The following NTN1 variants were observed in gnomAD, a reference collection of about 807,000 sequenced individuals.
The protein encoded by NTN1 is netrin 1.
A neutral mutation model predicts 54.2 loss-of-function variants in NTN1; 11 were observed. That is an observed-to-expected ratio of 0.20 (90% CI 0.13 to 0.34). The LOEUF (loss-of-function observed/expected upper bound fraction) is 0.34. NTN1 is among the 10% of genes least tolerant of loss of function. The pLI, the probability that NTN1 is intolerant of heterozygous loss-of-function variation, is 1.00. For missense variants in NTN1, 740 were observed against 893.1 expected (o/e 0.83, Z 2.18); for synonymous variants, 371 against 382.0 (o/e 0.97, Z 0.33).
At chr17:9,102,608 A>G (rs11867338) in intron 2 of NTN1, among the ~76,000 whole-genome samples, 80,899 of 152,084 alleles carry the variant, frequency 0.53, 22,290 homozygotes, top group East Asian at 0.95. Flanking sequence ...TAACGCAGCA[A>G]TTCCACTCTT....
At chr17:9,114,246 A>C (rs2092203263) in intron 2 of NTN1, among the ~76,000 whole-genome samples, 1 of 147,898 alleles carries the variant, frequency 6.8e-6, no homozygotes, top group East Asian at 1.9e-4. Context: ...AGGGAAAAAA[A>C]AGGAAGATTC....
At position 9,230,581 on chromosome 17, in the gene NTN1, G is replaced by A. The variant is rs115707734; in HGVS notation, c.1487-9059G>A. On this transcript the variant is annotated intron_variant, in intron 6 of 6. Coordinates refer to ENST00000173229, the MANE Select transcript of NTN1 (RefSeq NM_004822.3). The stretch of plus-strand genomic sequence containing the variant: ...GGCCAGTCGGTCCCCATGACAGCTC[G>A]ACAGAAAAGCCCCAGAGCCCACAGG... Among the ~76,000 whole-genome samples, 902 of 152,274 alleles carry A rather than the reference G, an allele frequency of 5.9e-3. 15 individuals are homozygous for A. Among genetic ancestry groups the A allele is most frequent in the African/African-American group, 0.02 (841 of 41,554 alleles).
chr17:9,141,047 G>A (rs1367616235), intron 2 of NTN1, among the ~76,000 whole-genome samples: 1 of 152,114 alleles, frequency 6.6e-6, no homozygotes, highest in Non-Finnish European at 1.5e-5. Context: ...GATTTGGGAG[G>A]GAATATCATG....
In NTN1 at chr17:9,212,058, A is replaced by C. The variant is rs976955759; in HGVS notation, c.1412-9110A>C. Among the ~76,000 whole-genome samples the C allele has an allele frequency of 6.6e-6, 1 of 152,200 alleles. No homozygotes were observed. Among genetic ancestry groups the C allele is most frequent in the Non-Finnish European group, 1.5e-5 (1 of 68,038 alleles). ...TTAGCCTTTCTGCCCCCAAGGCCCAAAGTCAAATGAGCATTTTGCTTTTGA... is the reference window on the plus strand; with the variant it reads ...TTAGCCTTTCTGCCCCCAAGGCCCACAGTCAAATGAGCATTTTGCTTTTGA... On this transcript the variant is annotated intron_variant, in intron 5 of 6. Coordinates refer to ENST00000173229, the MANE Select transcript of NTN1 (RefSeq NM_004822.3). The surrounding 1 kb of genome is among the most constrained non-coding windows in gnomAD (Gnocchi z 5.5).
At chr17:9,109,859 G>A (rs1434395880) in intron 2 of NTN1, among the ~76,000 whole-genome samples, 3 of 152,218 alleles carry the variant, frequency 2.0e-5, no homozygotes, top group Non-Finnish European at 4.4e-5. Flanking sequence ...GCATATGTCT[G>A]ATTATTGTGA....
At chr17:9,113,995 C>G (rs1333684842) in intron 2 of NTN1, among the ~76,000 whole-genome samples, 1 of 150,874 alleles carries the variant, frequency 6.6e-6, no homozygotes, top group Non-Finnish European at 1.5e-5. Flanking sequence ...AAACCCATCT[C>G]TACTGAAAAT....
intron 5 of NTN1, among the ~76,000 whole-genome samples, chr17:9,188,085 G>A (rs981290810): frequency 2.0e-5 from 3 of 152,206 alleles, no homozygotes; most frequent in African/African-American, 7.2e-5. Context: ...GTGGTGATGA[G>A]TTGTACAATG....
chr17:9,146,633 G>GGTCTTTAGACACACCCTGGGA (rs1403328934), intron 2 of NTN1, among the ~76,000 whole-genome samples: 1 of 150,674 alleles, frequency 6.6e-6, no homozygotes, highest in East Asian at 1.9e-4. Context: ...ACACCCTGGG[G>GGTCTTTAGACACACCCTGGGA]CTCCTGGCAG....
At chr17:9,044,667 T>A (rs2091935599) in intron 2 of NTN1, among the ~76,000 whole-genome samples, 1 of 152,204 alleles carries the variant, frequency 6.6e-6, no homozygotes, top group Admixed American at 6.5e-5. Context: ...TGTTTATATT[T>A]ATTGACTCAA....
At chr17:9,203,133 G>A (rs901247213) in intron 5 of NTN1, among the ~76,000 whole-genome samples, 1 of 151,656 alleles carries the variant, frequency 6.6e-6, no homozygotes, top group East Asian at 1.9e-4. Context: ...ATGTTAGCCA[G>A]GATGATCTCG....
rs78440282 is a variant in NTN1, at chr17:9,158,632, C to A, written c.1019-4181C>A. ...GAAGGGTAGGGTTCCCATCCTGGGCCCCCCCATTTACTGGCTCTGTGGTCC... is the reference window on the plus strand; with the variant it reads ...GAAGGGTAGGGTTCCCATCCTGGGCACCCCCATTTACTGGCTCTGTGGTCC... On this transcript the variant is annotated intron_variant, in intron 2 of 6. Coordinates refer to ENST00000173229, the MANE Select transcript of NTN1 (RefSeq NM_004822.3). Among the ~76,000 whole-genome samples, 1,284 of 152,252 alleles carry A rather than the reference C, an allele frequency of 8.4e-3. 16 individuals carry two copies. Among genetic ancestry groups the A allele is most frequent in the African/African-American group, 0.03 (1,226 of 41,546 alleles).
At chr17:9,117,077 G>A (rs1399527499) in intron 2 of NTN1, among the ~76,000 whole-genome samples, 1 of 152,200 alleles carries the variant, frequency 6.6e-6, no homozygotes, top group East Asian at 1.9e-4. Flanking sequence ...AGCGACACCC[G>A]GGGAAGCTGT....
chr17:9,230,447 G>GA (rs1905766993), intron 6 of NTN1, among the ~76,000 whole-genome samples: 2 of 15,616 alleles, frequency 1.3e-4, no homozygotes, highest in African/African-American at 4.6e-4. Context: ...CACCAGATGT[G>GA]ACCCCCCCCC....
intron 2 of NTN1, among the ~76,000 whole-genome samples, chr17:9,107,350 GA>G (rs1394627568): frequency 2.0e-5 from 3 of 152,236 alleles, no homozygotes; most frequent in African/African-American, 7.2e-5. Flanking sequence ...TCAGTTGAGA[GA>G]AAAGAATCTT....
intron 5 of NTN1, among the ~76,000 whole-genome samples, chr17:9,193,458 A>G (rs1904522330): frequency 6.6e-6 from 1 of 152,208 alleles, no homozygotes; most frequent in Non-Finnish European, 1.5e-5. Flanking sequence ...TCAGCCCTAA[A>G]TATTTTGGAA....
chr17:9,209,408 A>C (rs929114308), intron 5 of NTN1, among the ~76,000 whole-genome samples: 1 of 152,210 alleles, frequency 6.6e-6, no homozygotes, highest in African/African-American at 2.4e-5. Flanking sequence ...TCGATATTGC[A>C]GGGGGCCAGA....
intron 2 of NTN1, among the ~76,000 whole-genome samples, chr17:9,046,110 C>G (rs549216600): frequency 6.6e-6 from 1 of 152,246 alleles, no homozygotes; most frequent in African/African-American, 2.4e-5. Flanking sequence ...GAAAAGACAA[C>G]CCATGGGATG....
At chr17:9,050,645 G>A (rs537237071) in intron 2 of NTN1, among the ~76,000 whole-genome samples, 1 of 148,288 alleles carries the variant, frequency 6.7e-6, no homozygotes, top group South Asian at 2.2e-4. Flanking sequence ...CTCCAGCCTG[G>A]GCGACAGAGC....
At chr17:9,100,409 T>C (rs2092146626) in intron 2 of NTN1, among the ~76,000 whole-genome samples, 1 of 152,292 alleles carries the variant, frequency 6.6e-6, no homozygotes, top group African/African-American at 2.4e-5. Context: ...GTGATTCTTC[T>C]GCCTCAGCCT....
Sources: gnomAD v4.1 joint callset for allele counts (sites outside exome capture counted in the v4.1 genomes callset) on GRCh38, gnomAD v4.1.1 for gene constraint, Gnocchi (gnomAD v3.1) non-coding constraint, MANE v1.5 for transcripts, NCBI Gene and HGNC (gene_info 2026-07-23, HGNC 2026-07-21) for gene names.